The following ANKRD27 variants were observed in gnomAD, a reference collection of about 807,000 sequenced individuals.
ANKRD27 encodes ankyrin repeat domain 27.
ANKRD27 carries 112 observed loss-of-function variants against 129.7 expected under a neutral mutation model. The observed-to-expected ratio is 0.86, with a 90% confidence interval of 0.74 to 1.01. The LOEUF is 1.01. Among genes scored for constraint, ANKRD27 ranks in the 50% least tolerant of loss-of-function variants. The pLI is 0.00. For synonymous variants in ANKRD27, 516 were observed against 511.2 expected, an observed-to-expected ratio of 1.01 and a Z score of -0.13; for missense variants, 1,258 against 1,300.5, an observed-to-expected ratio of 0.97 and a Z score of 0.50.
chr19:32,633,362 T>C lies in ANKRD27; in HGVS notation c.1117-1868A>G, dbSNP rs1175383842. Among the ~76,000 whole-genome samples the C allele has an allele frequency of 3.4e-5, 5 of 147,978 alleles. No individual in the cohort carries two copies. In the East Asian group the frequency reaches 8.1e-4, roughly 24 times the overall value. On this transcript the variant is annotated intron_variant, in intron 12 of 28. Transcript: ENST00000306065. ...TTTTTTTTTTTTTTGAGACGGGGTC[T>C]TGCTCTGTCTCCCAAGCTGGACTGC...
intron 1 of ANKRD27, among the ~76,000 whole-genome samples, chr19:32,659,311 C>A (rs1407904042): frequency 6.6e-6 from 1 of 151,978 alleles, no homozygotes; most frequent in Admixed American, 6.6e-5. Context: ...GAACTCCTGA[C>A]CAGCAGGTGA....
chr19:32,640,480 C>A, intron 10 of ANKRD27, 95 bp from the exon 11 acceptor site: 1 of 994,980 alleles, frequency 1.0e-6, no homozygotes. Flanking sequence ...TGTGAAACCA[C>A]GTATCAGGGA....
At chr19:32,674,837 C>T (rs1276089193) in intron 1 of ANKRD27, among the ~76,000 whole-genome samples, 2 of 152,088 alleles carry the variant, frequency 1.3e-5, no homozygotes, top group Non-Finnish European at 2.9e-5. Context: ...CGCTCCCCTC[C>T]TCCAGACCCG....
At chr19:32,658,396 C>T (rs565531625) in intron 2 of ANKRD27, among the ~76,000 whole-genome samples, 1 of 151,782 alleles carries the variant, frequency 6.6e-6, no homozygotes, top group South Asian at 2.1e-4. Context: ...TACCTGGCTG[C>T]CCCTGAAGGC....
chr19:32,667,832 C>CAAAAAAAA (rs10667176), intron 1 of ANKRD27, among the ~76,000 whole-genome samples: 1 of 134,918 alleles, frequency 7.4e-6, no homozygotes. Flanking sequence ...AACTCCGTCT[C>CAAAAAAAA]AAAAAAAAAA....
rs745879923 is a variant in ANKRD27 at position 32,642,941 on chromosome 19, G to A, written c.782+182C>T. 278 of 628,564 alleles carry A rather than the reference G, an allele frequency of 4.4e-4. No individual in the cohort carries two copies. The East Asian group carries it at 7.1e-3, about 16-fold the overall frequency. 38.9% of individuals were successfully genotyped at this position (628,564 alleles called of 1,614,324 possible). Reference sequence around the variant, plus strand: ...TGCTGGTGCAGTGTGGGAGGGGGACGGCCACACACAGTCACCTATAAAGGG... The same window carrying A: ...TGCTGGTGCAGTGTGGGAGGGGGACAGCCACACACAGTCACCTATAAAGGG... On this transcript the variant is annotated intron_variant, in intron 9 of 28. Transcript: ENST00000306065.
intron 17 of ANKRD27, among the ~76,000 whole-genome samples, chr19:32,624,858 A>G (rs1972066187): frequency 6.6e-6 from 1 of 151,494 alleles, no homozygotes; most frequent in Admixed American, 6.6e-5. Context: ...GGCTTGAGCC[A>G]GGAGGCTAAG....
At chr19:32,641,176 C>T (rs963181243) in intron 10 of ANKRD27, among the ~76,000 whole-genome samples, 7 of 151,650 alleles carry the variant, frequency 4.6e-5, no homozygotes, top group Non-Finnish European at 1.0e-4. Context: ...GCTGGGATTA[C>T]AGGTGTGAGC....
At chr19:32,673,642 G>A (rs952603638) in intron 1 of ANKRD27, among the ~76,000 whole-genome samples, 2 of 152,158 alleles carry the variant, frequency 1.3e-5, no homozygotes, top group African/African-American at 4.8e-5. Flanking sequence ...CCCTGGGAAC[G>A]ACCCTATGTA....
chr19:32,673,361 G>C lies in ANKRD27; in HGVS notation c.-31+1710C>G, dbSNP rs185315819. 8.1e-6 allele frequency: 8 copies of C among 985,296 alleles called. No homozygotes were observed. In the Admixed American group the frequency reaches 4.3e-4, roughly 53 times the overall value. 61.0% of individuals were successfully genotyped at this position (985,296 alleles called of 1,614,324 possible). ...CAAGGCCTACGGGCTGTGCCTCCTG[G>C]ATCTGCCCCCTGGATTTCACTCACG... On this transcript the variant is annotated intron_variant, in intron 1 of 28. Coordinates refer to ENST00000306065, the MANE Select transcript of ANKRD27 (RefSeq NM_032139.3).
At chr19:32,610,582 A>C (rs1393273141) in intron 22 of ANKRD27, among the ~76,000 whole-genome samples, 4 of 151,918 alleles carry the variant, frequency 2.6e-5, no homozygotes, top group Non-Finnish European at 2.9e-5. Flanking sequence ...ACTTGAGGTC[A>C]GGAGTTTGAG....
In ANKRD27 at chr19:32,607,693, G is replaced by A. The variant is rs1244160214; in HGVS notation, c.2315C>T (p.Ala772Val). 3 of 1,612,672 alleles carry A rather than the reference G, an allele frequency of 1.9e-6. No homozygotes were observed. The South Asian group carries it at 3.3e-5, about 18-fold the overall frequency. The change falls in exon 23 of 29, where the codon GCC (alanine) becomes GTC (valine). Residue 772 changes from alanine to valine, a missense_variant. By Grantham distance (64) the Ala-to-Val change is moderately conservative. Coordinates refer to ENST00000306065, the MANE Select transcript of ANKRD27 (RefSeq NM_032139.3). ...CGGGACGGCTTGGTCTGCGTTCCTG[G>A]CACCTGCGTTGGCCCCGTGCTTCAG... ...LLLKHGANAG[A>V]RNADQAVPLH...
chr19:32,674,070 T>C (rs895945372), intron 1 of ANKRD27, among the ~76,000 whole-genome samples: 2 of 151,964 alleles, frequency 1.3e-5, no homozygotes, highest in African/African-American at 4.8e-5. Context: ...GGTGAAAGGA[T>C]TGCTTGAGTC....
At chr19:32,642,980 T>G in intron 9 of ANKRD27, 143 bp downstream of exon 9, 1 of 786,202 alleles carries the variant, frequency 1.3e-6, no homozygotes, top group South Asian at 1.7e-5. Flanking sequence ...CCCTTTATCT[T>G]TGGTTGCAAG....
At chr19:32,626,012 T>G in intron 16 of ANKRD27, 46 bp from the exon 17 acceptor site, 1 of 1,501,300 alleles carries the variant, frequency 6.7e-7, no homozygotes, top group Non-Finnish European at 8.9e-7. Flanking sequence ...GCCGGCTCCC[T>G]GGGAGGCCCG....
At chr19:32,654,950 T>C (rs1246085727) in intron 2 of ANKRD27, 1 of 152,012 alleles carries the variant, frequency 6.6e-6, no homozygotes, top group Non-Finnish European at 1.5e-5. Flanking sequence ...CCTGGCTAAT[T>C]TGTGTATTTT....
intron 10 of ANKRD27, 39 bp from the exon 11 acceptor site, chr19:32,640,424 T>C (rs766487716): frequency 6.3e-7 from 1 of 1,576,152 alleles, no homozygotes; most frequent in East Asian, 2.2e-5. Flanking sequence ...CATCATGAGA[T>C]TCAAATGGAC....
chr19:32,622,918 C>T (rs571007912), intron 17 of ANKRD27, among the ~76,000 whole-genome samples: 1 of 151,178 alleles, frequency 6.6e-6, no homozygotes, highest in African/African-American at 2.4e-5. Flanking sequence ...GCTGGGACTA[C>T]AAGCATGCAC....
intron 28 of ANKRD27, among the ~76,000 whole-genome samples, chr19:32,599,301 G>A (rs959990933): frequency 1.3e-5 from 2 of 148,214 alleles, no homozygotes; most frequent in African/African-American, 4.9e-5. Flanking sequence ...ATAAAAAAAT[G>A]TAGTGGGAAG....
Sources: allele counts gnomAD v4.1 joint callset (sites outside exome capture counted in the v4.1 genomes callset), GRCh38; gene constraint gnomAD v4.1.1; transcripts MANE v1.5; gene names NCBI Gene and HGNC (gene_info 2026-07-23, HGNC 2026-07-21).